Variants in NCKAP5 observed in about 807,000 individuals in gnomAD.
NCKAP5 encodes the protein NCK associated protein 5.
A neutral mutation model predicts 167.0 loss-of-function variants in NCKAP5; 92 were observed. That is an observed-to-expected ratio of 0.55 (90% confidence interval 0.47 to 0.66). The LOEUF is 0.66. Ranked by LOEUF, NCKAP5 falls within the 30% of genes least tolerant of loss-of-function variation. The pLI, the probability that NCKAP5 is intolerant of heterozygous loss-of-function variation, is 0.00. For synonymous variants in NCKAP5, 891 were observed against 877.4 expected (o/e 1.02, Z -0.27); for missense variants, 2,378 against 2,315.0 (o/e 1.03, Z -0.56).
intron 3 of NCKAP5, among the ~76,000 whole-genome samples, chr2:133,349,977 T>C (rs1684247547): frequency 6.6e-6 from 1 of 152,228 alleles, no homozygotes; most frequent in Non-Finnish European, 1.5e-5. Flanking sequence ...GAGATTTCCG[T>C]GTACCTTTCA....
intron 8 of NCKAP5, among the ~76,000 whole-genome samples, chr2:132,959,996 G>A (rs1372794648): frequency 6.6e-6 from 1 of 152,138 alleles, no homozygotes. Flanking sequence ...CAGGCACCAG[G>A]ACCCTAAACA....
At chr2:133,299,416 C>G (rs1680195590) in intron 4 of NCKAP5, among the ~76,000 whole-genome samples, 1 of 151,962 alleles carries the variant, frequency 6.6e-6, no homozygotes, top group Admixed American at 6.6e-5. Flanking sequence ...TCTCTGTGTA[C>G]AGAGAGAGCA....
At chr2:133,456,454 A>T (rs1409487368) in intron 3 of NCKAP5, among the ~76,000 whole-genome samples, 1 of 152,168 alleles carries the variant, frequency 6.6e-6, no homozygotes, top group Non-Finnish European at 1.5e-5. Flanking sequence ...AAGCCATGTG[A>T]TAAGAATGGC....
At chr2:133,016,223 C>T (rs910020819) in intron 6 of NCKAP5, among the ~76,000 whole-genome samples, 2 of 152,148 alleles carry the variant, frequency 1.3e-5, no homozygotes, top group Non-Finnish European at 2.9e-5. Context: ...CAGATCAATG[C>T]CAATGACCCT....
intron 4 of NCKAP5, among the ~76,000 whole-genome samples, chr2:133,227,170 T>G (rs568379640): frequency 2.0e-5 from 3 of 152,308 alleles, no homozygotes; most frequent in African/African-American, 4.8e-5. Flanking sequence ...CAAAGTGGGT[T>G]TTTTTCCAAT....
the NCKAP5 span, among the ~76,000 whole-genome samples, chr2:133,601,058 G>A: frequency 0.01 from 1,540 of 152,238 alleles, 10 homozygotes; most frequent in Non-Finnish European, 0.017. Flanking sequence ...CCACCTTTCC[G>A]GCAGTCTTTA....
intron 6 of NCKAP5, among the ~76,000 whole-genome samples, chr2:133,111,187 C>G (rs1444158279): frequency 6.6e-6 from 1 of 152,104 alleles, no homozygotes; most frequent in Non-Finnish European, 1.5e-5. Context: ...AAGAGAGAAG[C>G]CTTCTCCCAC....
chr2:133,602,257 G>A, the NCKAP5 span, among the ~76,000 whole-genome samples: 1 of 152,158 alleles, frequency 6.6e-6, no homozygotes, highest in African/African-American at 2.4e-5. Flanking sequence ...GGACAGCAAA[G>A]AAGAGAAGAA....
intron 6 of NCKAP5, among the ~76,000 whole-genome samples, chr2:133,128,945 AT>A (rs10584100): frequency 0.25 from 32,501 of 129,814 alleles, 4,074 homozygotes; most frequent in East Asian, 0.33. Context: ...AAACTCACTG[AT>A]TTTTTTTTTT....
chr2:132,799,119 G>C (rs1414847523), intron 11 of NCKAP5, among the ~76,000 whole-genome samples: 1 of 152,022 alleles, frequency 6.6e-6, no homozygotes, highest in Non-Finnish European at 1.5e-5. Flanking sequence ...AGCTAGAGGA[G>C]GCCATAATCC....
chr2:132,740,390 A>T (rs952654191), intron 16 of NCKAP5, among the ~76,000 whole-genome samples: 2 of 152,170 alleles, frequency 1.3e-5, no homozygotes, highest in Non-Finnish European at 2.9e-5. Flanking sequence ...CTTAAACTAC[A>T]GATGGGAAAA....
intron 6 of NCKAP5, among the ~76,000 whole-genome samples, chr2:133,016,228 G>A (rs1303136872): frequency 6.6e-6 from 1 of 152,158 alleles, no homozygotes; most frequent in Non-Finnish European, 1.5e-5. Flanking sequence ...CAATGCCAAT[G>A]ACCCTGAGGC....
intron 3 of NCKAP5, among the ~76,000 whole-genome samples, chr2:133,396,881 C>T (rs1025643207): frequency 6.6e-6 from 1 of 152,166 alleles, no homozygotes; most frequent in African/African-American, 2.4e-5. Flanking sequence ...ACATGCTTGT[C>T]GTCAGACAGA....
intron 6 of NCKAP5, among the ~76,000 whole-genome samples, chr2:133,026,987 A>G (rs1203100227): frequency 6.6e-6 from 1 of 152,136 alleles, no homozygotes; most frequent in African/African-American, 2.4e-5. Flanking sequence ...GTTCATTCCA[A>G]TGCGCCCTTA....
intron 6 of NCKAP5, among the ~76,000 whole-genome samples, chr2:133,003,817 A>G (rs145255639): frequency 1.3e-5 from 2 of 152,314 alleles, no homozygotes; most frequent in African/African-American, 2.4e-5. Flanking sequence ...TGCTAGTCCA[A>G]TTTGAATTAC....
At chr2:133,538,924 T>A (rs1685975559) in intron 2 of NCKAP5, among the ~76,000 whole-genome samples, 1 of 125,658 alleles carries the variant, frequency 8.0e-6, no homozygotes, top group Admixed American at 8.2e-5. Flanking sequence ...TTTTGTGGTT[T>A]TTTTGGGTTT....
intron 5 of NCKAP5, among the ~76,000 whole-genome samples, chr2:133,197,758 G>A (rs766205659): frequency 1.3e-5 from 2 of 152,244 alleles, no homozygotes; most frequent in African/African-American, 4.8e-5. Context: ...AGACCATCCT[G>A]GACAACATGA....
At chr2:133,587,715 G>A in the NCKAP5 span, among the ~76,000 whole-genome samples, 4 of 152,178 alleles carry the variant, frequency 2.6e-5, no homozygotes, top group African/African-American at 9.7e-5. Flanking sequence ...CCCATGCCTT[G>A]CCACAAGCAT....
At chr2:132,709,585 A>C (rs2105309580) in intron 19 of NCKAP5, among the ~76,000 whole-genome samples, 1 of 152,270 alleles carries the variant, frequency 6.6e-6, no homozygotes, top group Non-Finnish European at 1.5e-5. Flanking sequence ...AAACTTAGAC[A>C]AAAGGGATAT....
Sources: allele counts gnomAD v4.1 joint callset (sites outside exome capture counted in the v4.1 genomes callset), GRCh38; gene constraint gnomAD v4.1.1; transcripts MANE v1.5; gene names NCBI Gene and HGNC (gene_info 2026-07-23, HGNC 2026-07-21).